The following CERK variants were observed in gnomAD, a reference collection of about 807,000 sequenced individuals.
CERK encodes acylsphingosine kinase.
A neutral mutation model predicts 63.4 loss-of-function variants in CERK; 39 were observed. The ratio of observed to expected loss-of-function variants is 0.61; its 90% confidence interval spans 0.48 to 0.80. The LOEUF (loss-of-function observed/expected upper bound fraction) is 0.80, where lower values mean the gene tolerates loss of function less well. Among genes scored for constraint, CERK ranks in the 30% least tolerant of loss-of-function variants. CERK has a pLI of 0.00. For synonymous variants in CERK, 302 were observed against 280.0 expected (o/e 1.08, Z -0.78); for missense variants, 670 against 714.1 (o/e 0.94, Z 0.70).
chr22:46,723,191 G>A (rs1229351280), intron 1 of CERK, among the ~76,000 whole-genome samples: 2 of 152,220 alleles, frequency 1.3e-5, no homozygotes, highest in African/African-American at 4.8e-5. Flanking sequence ...GATGCCAGCA[G>A]GGTCATTAGT....
intron 1 of CERK, among the ~76,000 whole-genome samples, chr22:46,736,515 T>C (rs997529296): frequency 1.3e-5 from 2 of 152,148 alleles, no homozygotes; most frequent in Non-Finnish European, 2.9e-5. Flanking sequence ...AGGAAGTGCT[T>C]GGGGGAGGCA....
intron 1 of CERK, among the ~76,000 whole-genome samples, chr22:46,736,372 C>T (rs1266790715): frequency 1.3e-5 from 2 of 152,196 alleles, no homozygotes; most frequent in African/African-American, 2.4e-5. Context: ...AGCCTTACAG[C>T]CCAGTGGCTA....
intron 8 of CERK, among the ~76,000 whole-genome samples, chr22:46,697,315 T>A (rs1006614784): frequency 6.6e-6 from 1 of 152,148 alleles, no homozygotes; most frequent in African/African-American, 2.4e-5. Context: ...CTTTTCTTTT[T>A]TTTTTGAGAC....
intron 3 of CERK, among the ~76,000 whole-genome samples, chr22:46,718,323 A>G (rs2082875982): frequency 1.3e-5 from 2 of 152,152 alleles, no homozygotes; most frequent in South Asian, 4.1e-4. Context: ...CCAAAGTCTC[A>G]TGAAAACAGG....
rs559591990 is a variant in CERK, at chr22:46,724,780, G to A, written c.143-3765C>T. On this transcript the variant is annotated intron_variant, in intron 1 of 12. Coordinates refer to ENST00000216264, the MANE Select transcript of CERK (RefSeq NM_022766.6). ...CACACCTGTAATCCCTGCACTTTGG[G>A]AGGCTAAGGTGGGCGGATCACGAGG... Among the ~76,000 whole-genome samples, 215 of 152,286 alleles carry A rather than the reference G, an allele frequency of 1.4e-3. 1 individual carries two copies. The highest frequency in any genetic ancestry group is 2.4e-3 in the Non-Finnish European group (166 of 68,026).
At chr22:46,730,975 C>T (rs751293868) in intron 1 of CERK, among the ~76,000 whole-genome samples, 3 of 152,240 alleles carry the variant, frequency 2.0e-5, no homozygotes, top group Admixed American at 6.5e-5. Context: ...CAGAAAAAAA[C>T]GGGCCCAGCC....
rs773663743 is a variant in CERK, at chr22:46,691,617, G to T, written c.1287C>A (p.Phe429Leu). Residue 429 changes from phenylalanine to leucine, a missense_variant, in exon 11 of 13, where the codon TTC becomes TTA. By Grantham distance (22) the Phe-to-Leu change is conservative. Coordinates refer to ENST00000216264, the MANE Select transcript of CERK (RefSeq NM_022766.6). ...DLILIRKCSR[F>L]NFLRFLIRHT... Reference sequence around the variant, plus strand: ...GCCTGATGAGAAATCTCAGAAAATTGAACCTGGAGCATTTCCGGATGAGGA... The same window carrying T: ...GCCTGATGAGAAATCTCAGAAAATTTAACCTGGAGCATTTCCGGATGAGGA... The T allele has an allele frequency of 3.1e-6, 5 of 1,613,840 alleles. No homozygotes were observed. In the Admixed American group the frequency reaches 8.3e-5, roughly 27 times the overall value.
intron 1 of CERK, among the ~76,000 whole-genome samples, chr22:46,724,580 G>A (rs1311849334): frequency 6.6e-6 from 1 of 152,218 alleles, no homozygotes; most frequent in African/African-American, 2.4e-5. Context: ...CAGTCTTACT[G>A]TGGGTAAGCC....
intron 3 of CERK, among the ~76,000 whole-genome samples, chr22:46,712,945 T>C (rs8140021): frequency 0.75 from 113,007 of 150,546 alleles, 42,636 homozygotes; most frequent in Non-Finnish European, 0.77. Context: ...CCTGGGTTCA[T>C]GCCATCCTCC....
chr22:46,688,834 T>TA (rs1427677555), intron 12 of CERK, among the ~76,000 whole-genome samples: 1 of 152,244 alleles, frequency 6.6e-6, no homozygotes, highest in Non-Finnish European at 1.5e-5. Context: ...ACCGAGCTCT[T>TA]ACCAACATCT....
At position 46,695,265 on chromosome 22, in the gene CERK, G is replaced by A; in HGVS notation, c.994C>T (p.Leu332Phe). Reference sequence around the variant, plus strand: ...GATCCCACCGTGTGTTGTGCAGGGAGGAAGGACACTGTCCCTTCATAGCAG... The same window carrying A: ...GATCCCACCGTGTGTTGTGCAGGGAAGAAGGACACTGTCCCTTCATAGCAG... ...HHCYEGTVSF[L>F]PAQHTVGSPR... The change falls in exon 9 of 13, where the codon CTC becomes TTC. Residue 332 changes from leucine to phenylalanine, a missense_variant. By Grantham distance (22) the Leu-to-Phe change is conservative. Transcript: ENST00000216264. 1 of 1,612,782 alleles carries A rather than the reference G, an allele frequency of 6.2e-7. No homozygotes were observed. Among genetic ancestry groups the A allele is most frequent in the Non-Finnish European group, 8.5e-7 (1 of 1,178,786 alleles).
intron 1 of CERK, among the ~76,000 whole-genome samples, chr22:46,730,986 C>T (rs1222068939): frequency 6.6e-6 from 1 of 152,372 alleles, no homozygotes; most frequent in African/African-American, 2.4e-5. Context: ...GGGCCCAGCC[C>T]TCCAACCAAG....
chr22:46,716,253 T>C (rs1301865140), intron 3 of CERK, among the ~76,000 whole-genome samples: 1 of 151,354 alleles, frequency 6.6e-6, no homozygotes, highest in Non-Finnish European at 1.5e-5. Flanking sequence ...TGAAGTTGCA[T>C]GATCTCGACT....
In CERK at chr22:46,695,229, T is replaced by C. The variant is rs756761355; in HGVS notation, c.1030A>G (p.Arg344Gly). Reference sequence around the variant, plus strand: ...ACTTACCCTGCCCGGCAGGGCTTCCTATCCCTTGGAGATCCCACCGTGTGT... The same window carrying C: ...ACTTACCCTGCCCGGCAGGGCTTCCCATCCCTTGGAGATCCCACCGTGTGT... ...AQHTVGSPRD[R>G]KPCRAGCFVC... is the part of the protein sequence containing the mutation. Residue 344 changes from arginine to glycine, a missense_variant, in exon 9 of 13, where the codon AGG becomes GGG. Physicochemically the swap from Arg to Gly is moderately radical, Grantham distance 125 (BLOSUM62 -2). Coordinates refer to ENST00000216264, the MANE Select transcript of CERK (RefSeq NM_022766.6). The C allele has an allele frequency of 2.9e-5, 46 of 1,595,946 alleles. No homozygotes were observed. Among genetic ancestry groups the C allele is most frequent in the Non-Finnish European group, 3.3e-5 (39 of 1,164,582 alleles).
chr22:46,736,608 G>A (rs967955835), intron 1 of CERK, among the ~76,000 whole-genome samples: 5 of 152,212 alleles, frequency 3.3e-5, no homozygotes, highest in Admixed American at 6.5e-5. Context: ...CTTGTGTGTG[G>A]GCCCTGGTGG....
chr22:46,701,797 T>G, intron 6 of CERK, 87 bp from the exon 7 acceptor site: 1 of 915,434 alleles, frequency 1.1e-6, no homozygotes, highest in Non-Finnish European at 1.7e-6. Flanking sequence ...ACCTCATTCC[T>G]TTCCTTCCAT....
chr22:46,734,274 A>T (rs886475120), intron 1 of CERK, among the ~76,000 whole-genome samples: 2 of 152,244 alleles, frequency 1.3e-5, no homozygotes, highest in African/African-American at 4.8e-5. Context: ...TGACTTAGTA[A>T]CCAGAAAGAA....
At chr22:46,708,549 G>C (rs1249820646) in intron 5 of CERK, among the ~76,000 whole-genome samples, 1 of 152,256 alleles carries the variant, frequency 6.6e-6, no homozygotes, top group Non-Finnish European at 1.5e-5. Flanking sequence ...CAAGAGCAGA[G>C]GGGACGGAAT....
In CERK at chr22:46,693,464, C is replaced by G. The variant is rs1282051325; in HGVS notation, c.1089G>C (p.Glu363Asp). The change falls in exon 10 of 13, where the codon GAG becomes GAC. Residue 363 changes from glutamate (E) to aspartate (D), a missense_variant. Physicochemically the swap from Glu to Asp is conservative, Grantham distance 45. Transcript: ENST00000216264. ...VCRQSKQQLE[E>D]EQKKALYGLE... ...AACCATACAGTGCTTTCTTCTGCTC[C>G]TCCTCCAGCTGCTGCTTGCTTTGCC... 1.2e-6 allele frequency: 2 copies of G among 1,614,184 alleles called. No homozygotes were observed. Among genetic ancestry groups the G allele is most frequent in the Non-Finnish European group, 1.7e-6 (2 of 1,180,014 alleles).
Sources: allele counts gnomAD v4.1 joint callset (sites outside exome capture counted in the v4.1 genomes callset), GRCh38; gene constraint gnomAD v4.1.1; transcripts MANE v1.5; gene names NCBI Gene and HGNC (gene_info 2026-07-23, HGNC 2026-07-21).